RBM19: variants seen among roughly 807,000 people sequenced by gnomAD.
RBM19 encodes the protein probable RNA-binding protein 19.
Under a neutral mutation model 116.8 loss-of-function variants are expected in RBM19, and 94 were observed. The observed-to-expected ratio is 0.80, with a 90% CI of 0.68 to 0.95. The LOEUF (loss-of-function observed/expected upper bound fraction) is 0.95, where lower values mean the gene tolerates loss of function less well. RBM19 is among the 40% of genes least tolerant of loss of function. The pLI is 0.00. For synonymous variants in RBM19, 475 were observed against 494.1 expected (o/e 0.96, Z 0.51); for missense variants, 1,161 against 1,220.7 (o/e 0.95, Z 0.73).
intron 12 of RBM19, 108 bp downstream of exon 12, chr12:113,946,246 T>C: frequency 1.4e-6 from 2 of 1,469,544 alleles, no homozygotes; most frequent in South Asian, 2.4e-5. Context: ...CGGTAAGGTA[T>C]GAACTAAACC....
At chr12:113,872,569 T>TG (rs1425122499) in intron 21 of RBM19, among the ~76,000 whole-genome samples, 5,111 of 67,318 alleles carry the variant, frequency 0.076, 542 homozygotes, top group Non-Finnish European at 0.11. Context: ...GGGAGGGAGG[T>TG]GGGGGGGGGT....
intron 21 of RBM19, among the ~76,000 whole-genome samples, chr12:113,897,472 G>A (rs1319488393): frequency 6.6e-6 from 1 of 152,198 alleles, no homozygotes; most frequent in East Asian, 1.9e-4. Context: ...GGCCCAGAGT[G>A]TTTAAATGAC....
chr12:113,842,269 T>C (rs926897176), intron 23 of RBM19, among the ~76,000 whole-genome samples: 2 of 151,580 alleles, frequency 1.3e-5, no homozygotes, highest in African/African-American at 4.8e-5. Flanking sequence ...GAGCCTGCAC[T>C]CCTCGGCTGG....
At chr12:113,826,187 G>A (rs1874842818) in intron 23 of RBM19, among the ~76,000 whole-genome samples, 1 of 152,168 alleles carries the variant, frequency 6.6e-6, no homozygotes, top group South Asian at 2.1e-4. Flanking sequence ...CCTCCAGAGT[G>A]CCCTGATGTA....
intron 16 of RBM19, 87 bp from the exon 17 acceptor site, chr12:113,927,316 C>A: frequency 6.9e-7 from 1 of 1,455,920 alleles, no homozygotes; most frequent in Non-Finnish European, 9.1e-7. Flanking sequence ...GGGCCAACTG[C>A]AAAAAGCCCA....
At chr12:113,893,376 C>T (rs1425528415) in intron 21 of RBM19, among the ~76,000 whole-genome samples, 2 of 152,104 alleles carry the variant, frequency 1.3e-5, no homozygotes, top group African/African-American at 2.4e-5. Flanking sequence ...GCAATCCGCC[C>T]GCCTTGCCCT....
At chr12:113,838,795 G>A (rs1001607586) in intron 23 of RBM19, among the ~76,000 whole-genome samples, 1 of 152,166 alleles carries the variant, frequency 6.6e-6, no homozygotes, top group Non-Finnish European at 1.5e-5. Flanking sequence ...GGAAGATGAG[G>A]CCAGTCCTGG....
intron 23 of RBM19, among the ~76,000 whole-genome samples, chr12:113,831,588 G>A (rs147242348): frequency 9.0e-4 from 137 of 152,322 alleles, no homozygotes; most frequent in African/African-American, 2.1e-3. Context: ...CACGAGAAAT[G>A]GCCCGGCACA....
chr12:113,892,523 A>T (rs965937815), intron 21 of RBM19, among the ~76,000 whole-genome samples: 2 of 152,224 alleles, frequency 1.3e-5, no homozygotes, highest in Non-Finnish European at 2.9e-5. Context: ...ATAGGGTAAG[A>T]TTCAAAAGAG....
At chr12:113,874,325 C>T (rs1349152472) in intron 21 of RBM19, among the ~76,000 whole-genome samples, 4 of 152,216 alleles carry the variant, frequency 2.6e-5, no homozygotes, top group Non-Finnish European at 5.9e-5. Flanking sequence ...TTTCTGATTT[C>T]TGGCCCCTCT....
At chr12:113,927,004 T>A in intron 17 of RBM19, 50 bp downstream of exon 17, 1 of 1,567,584 alleles carries the variant, frequency 6.4e-7, no homozygotes, top group South Asian at 1.2e-5. Context: ...ATCAGTAGAC[T>A]GGGGTTTCCC....
intron 15 of RBM19, among the ~76,000 whole-genome samples, chr12:113,939,273 T>C (rs549333320): frequency 6.6e-6 from 1 of 152,278 alleles, no homozygotes; most frequent in African/African-American, 2.4e-5. Context: ...GCCACTGCAC[T>C]GTAGCCTGGG....
intron 21 of RBM19, among the ~76,000 whole-genome samples, chr12:113,882,844 G>A (rs926202737): frequency 6.6e-6 from 1 of 152,228 alleles, no homozygotes; most frequent in Non-Finnish European, 1.5e-5. Flanking sequence ...GAGCCACTAA[G>A]AGTCCAGAGA....
At chr12:113,910,354 C>T (rs776853431) in intron 21 of RBM19, among the ~76,000 whole-genome samples, 1 of 152,242 alleles carries the variant, frequency 6.6e-6, no homozygotes, top group Non-Finnish European at 1.5e-5. Context: ...CTTCCCGATT[C>T]TTCTACTGGT....
intron 16 of RBM19, among the ~76,000 whole-genome samples, chr12:113,931,349 C>T (rs1374626010): frequency 6.6e-6 from 1 of 152,154 alleles, no homozygotes; most frequent in East Asian, 1.9e-4. Context: ...ACCTGGAGGG[C>T]CCAGCAGCCC....
At chr12:113,922,406 A>G (rs1868656897) in intron 18 of RBM19, among the ~76,000 whole-genome samples, 1 of 152,148 alleles carries the variant, frequency 6.6e-6, no homozygotes, top group South Asian at 2.1e-4. Context: ...GCCCTTGAAA[A>G]AGACAGTGTA....
intron 21 of RBM19, among the ~76,000 whole-genome samples, chr12:113,912,242 C>T (rs1308234125): frequency 6.6e-6 from 1 of 152,198 alleles, no homozygotes; most frequent in African/African-American, 2.4e-5. Flanking sequence ...TCTCCGGAGC[C>T]CTGCACTCTC....
At chr12:113,911,251 T>C (rs572625691) in intron 21 of RBM19, among the ~76,000 whole-genome samples, 22 of 152,284 alleles carry the variant, frequency 1.4e-4, no homozygotes, top group African/African-American at 5.3e-4. Flanking sequence ...CTTCCACATT[T>C]CCTTTTGGGG....
chr12:113,957,831 T>A lies in RBM19; in HGVS notation c.791A>T (p.Glu264Val). ...QERDSKGAGQ[E>V]QGMPAGKKRP... Reference sequence around the variant, plus strand: ...CTTTTTCCCAGCTGGCATCCCTTGCTCTTGGCCTGCACCCTTGCTGTCTCT... The same window carrying A: ...CTTTTTCCCAGCTGGCATCCCTTGCACTTGGCCTGCACCCTTGCTGTCTCT... Residue 264 changes from glutamate (E) to valine (V), a missense_variant, in exon 6 of 24, where the codon GAG becomes GTG. Glu to Val is a moderately radical substitution (Grantham distance 121). Coordinates refer to ENST00000261741, the MANE Select transcript of RBM19 (RefSeq NM_016196.4). 6.2e-7 allele frequency: 1 copy of A among 1,613,004 alleles called. No individual in the cohort carries two copies. Among genetic ancestry groups the A allele is most frequent in the Non-Finnish European group, 8.5e-7 (1 of 1,179,368 alleles).
Sources: allele counts gnomAD v4.1 joint callset (sites outside exome capture counted in the v4.1 genomes callset), GRCh38; gene constraint gnomAD v4.1.1; transcripts MANE v1.5; gene names NCBI Gene and HGNC (gene_info 2026-07-23, HGNC 2026-07-21).